SGCD: variants seen among roughly 807,000 people sequenced by gnomAD.
SGCD encodes delta-sarcoglycan.
A neutral mutation model predicts 36.6 loss-of-function variants in SGCD; 18 were observed. The observed-to-expected ratio is 0.49, with a 90% CI of 0.34 to 0.73. The LOEUF is 0.73. Among genes scored for constraint, SGCD ranks in the 30% least tolerant of loss-of-function variants. SGCD has a pLI of 0.01. For missense variants in SGCD, 387 were observed against 346.7 expected (o/e 1.12, Z -0.92); for synonymous variants, 133 against 130.6 (o/e 1.02, Z -0.12).
chr5:155,851,861 C>T, the SGCD span, among the ~76,000 whole-genome samples: 1 of 152,162 alleles, frequency 6.6e-6, no homozygotes, highest in Non-Finnish European at 1.5e-5. Context: ...GCCAGAGTTC[C>T]TGGGTTTGAA....
intron 3 of SGCD, among the ~76,000 whole-genome samples, chr5:156,192,069 T>C (rs1763905031): frequency 6.6e-6 from 1 of 152,222 alleles, no homozygotes; most frequent in South Asian, 2.1e-4. Flanking sequence ...CATCTCCATT[T>C]TTCCTCTTTT....
chr5:156,152,224 G>T (rs896559034), intron 3 of SGCD, among the ~76,000 whole-genome samples: 2 of 151,226 alleles, frequency 1.3e-5, no homozygotes, highest in East Asian at 3.9e-4. Flanking sequence ...GACTTTCCTC[G>T]ATTTGTTTCT....
At chr5:155,882,117 C>CT (rs751354872) in intron 1 of SGCD, among the ~76,000 whole-genome samples, 7 of 151,562 alleles carry the variant, frequency 4.6e-5, no homozygotes, top group Non-Finnish European at 8.8e-5. Flanking sequence ...TATTATTTTT[C>CT]TTTTTTTTGA....
chr5:156,611,801 G>T (rs150326373), intron 6 of SGCD, among the ~76,000 whole-genome samples: 1 of 152,176 alleles, frequency 6.6e-6, no homozygotes, highest in Non-Finnish European at 1.5e-5. Flanking sequence ...TATCTGACTG[G>T]ACTATTTCAA....
At chr5:156,677,319 G>A (rs1267619186) in intron 7 of SGCD, among the ~76,000 whole-genome samples, 1 of 152,210 alleles carries the variant, frequency 6.6e-6, no homozygotes, top group Non-Finnish European at 1.5e-5. Flanking sequence ...TATACACTAT[G>A]GAATACTATG....
chr5:155,759,330 C>A, the SGCD span, among the ~76,000 whole-genome samples: 1 of 152,142 alleles, frequency 6.6e-6, no homozygotes, highest in African/African-American at 2.4e-5. Context: ...TTTCATGCAC[C>A]ATCCCCTTCT....
intron 3 of SGCD, among the ~76,000 whole-genome samples, chr5:156,242,751 A>G (rs1447821614): frequency 6.6e-6 from 1 of 152,194 alleles, no homozygotes; most frequent in South Asian, 2.1e-4. Context: ...AGGGTGCCAG[A>G]ATTGAGGAAG....
chr5:156,072,951 G>A (rs1009917598), intron 1 of SGCD, among the ~76,000 whole-genome samples: 4 of 151,968 alleles, frequency 2.6e-5, no homozygotes, highest in South Asian at 2.1e-4. Flanking sequence ...CATTCTTCAC[G>A]TAGTTCTCGA....
chr5:156,536,148 T>C (rs1180960314), intron 4 of SGCD, among the ~76,000 whole-genome samples: 1 of 152,148 alleles, frequency 6.6e-6, no homozygotes, highest in Non-Finnish European at 1.5e-5. Context: ...CCACTACTTT[T>C]TGAGATCTTA....
intron 6 of SGCD, among the ~76,000 whole-genome samples, chr5:156,604,828 C>A (rs1581240022): frequency 2.3e-5 from 2 of 87,202 alleles, no homozygotes; most frequent in Non-Finnish European, 5.2e-5. Flanking sequence ...CATATATACA[C>A]AATATTCACA....
chr5:156,754,028 A>C (rs1757249740), intron 7 of SGCD, among the ~76,000 whole-genome samples: 1 of 152,180 alleles, frequency 6.6e-6, no homozygotes, highest in South Asian at 2.1e-4. Context: ...CCAGGAAATC[A>C]TCATCTCTAT....
chr5:156,458,849 CT>C (rs1353810681), intron 3 of SGCD, among the ~76,000 whole-genome samples: 8 of 152,122 alleles, frequency 5.3e-5, no homozygotes, highest in Admixed American at 5.2e-4. Context: ...CATGGTGAGT[CT>C]TCAGTGGATT....
At chr5:156,214,096 C>T (rs542516588) in intron 3 of SGCD, among the ~76,000 whole-genome samples, 64 of 151,854 alleles carry the variant, frequency 4.2e-4, no homozygotes, top group Non-Finnish European at 8.0e-4. Context: ...GATTGGAAGT[C>T]CTAGCCTGGG....
At chr5:156,281,281 A>G (rs73811578) in intron 3 of SGCD, among the ~76,000 whole-genome samples, 5,836 of 152,136 alleles carry the variant, frequency 0.038, 347 homozygotes, top group African/African-American at 0.12. Flanking sequence ...TCCCCCCCCA[A>G]AAAAGAACCA....
intron 4 of SGCD, among the ~76,000 whole-genome samples, chr5:156,557,230 T>TCAAC (rs1759064796): frequency 6.6e-6 from 1 of 152,202 alleles, no homozygotes; most frequent in Non-Finnish European, 1.5e-5. Context: ...CAGCTGAAGA[T>TCAAC]GTTGAAGACT....
intron 3 of SGCD, among the ~76,000 whole-genome samples, chr5:156,407,512 G>A (rs953240616): frequency 3.9e-5 from 6 of 152,154 alleles, no homozygotes; most frequent in African/African-American, 1.2e-4. Context: ...CTCATAAAAT[G>A]TTGAACAAAC....
At chr5:156,078,451 T>C (rs1265243934) in intron 1 of SGCD, among the ~76,000 whole-genome samples, 1 of 149,914 alleles carries the variant, frequency 6.7e-6, no homozygotes, top group Non-Finnish European at 1.5e-5. Flanking sequence ...AGGCAGAGGT[T>C]GCAGTGAGTT....
chr5:156,526,965 G>GC (rs1194366374), intron 4 of SGCD, among the ~76,000 whole-genome samples: 1 of 152,158 alleles, frequency 6.6e-6, no homozygotes, highest in African/African-American at 2.4e-5. Flanking sequence ...AACAATGTCA[G>GC]CCAGAGTTCT....
At chr5:156,541,243 G>T (rs1758336884) in intron 4 of SGCD, among the ~76,000 whole-genome samples, 1 of 152,174 alleles carries the variant, frequency 6.6e-6, no homozygotes, top group Admixed American at 6.6e-5. Flanking sequence ...ATGTTGGAGG[G>T]CTGGGGTTTT....
Sources: gnomAD v4.1 joint callset for allele counts (sites outside exome capture counted in the v4.1 genomes callset) on GRCh38, gnomAD v4.1.1 for gene constraint, MANE v1.5 for transcripts, NCBI Gene and HGNC (gene_info 2026-07-23, HGNC 2026-07-21) for gene names.